Variants in MYH11 observed in about 807,000 individuals in gnomAD.
The protein encoded by MYH11 is myosin-11.
Under a neutral mutation model 246.6 loss-of-function variants are expected in MYH11, and 80 were observed. The observed-to-expected ratio is 0.32, with a 90% CI of 0.27 to 0.39. The LOEUF (loss-of-function observed/expected upper bound fraction) is 0.39, where lower values mean the gene tolerates loss of function less well. MYH11 is among the 10% of genes least tolerant of loss of function. The probability of loss-of-function intolerance (pLI) is 1.00; values close to 1 mark genes in which losing one functional copy is unlikely to be tolerated. For missense variants in MYH11, 2,158 were observed against 2,546.8 expected, an observed-to-expected ratio of 0.85 and a Z score of 3.29; for synonymous variants, 1,071 against 1,015.5, an observed-to-expected ratio of 1.05 and a Z score of -1.04.
At chr16:15,752,491 C>T (rs1447919521) in intron 15 of MYH11, among the ~76,000 whole-genome samples, 1 of 152,144 alleles carries the variant, frequency 6.6e-6, no homozygotes, top group Non-Finnish European at 1.5e-5. Flanking sequence ...AGCAGCATCA[C>T]CTGGGATGAA....
At chr16:15,707,183 C>G (rs920582758) in intron 40 of MYH11, among the ~76,000 whole-genome samples, 1 of 152,152 alleles carries the variant, frequency 6.6e-6, no homozygotes, top group Non-Finnish European at 1.5e-5. Flanking sequence ...GGACTACAGA[C>G]ATGCCACCAC....
chr16:15,724,032 C>T, intron 31 of MYH11, 129 bp downstream of exon 31: 3 of 1,496,834 alleles, frequency 2.0e-6, no homozygotes, highest in South Asian at 2.3e-5. Flanking sequence ...GATAAGACAG[C>T]CTCCCATGGC....
chr16:15,733,094 G>A, intron 26 of MYH11: 1 of 291,722 alleles, frequency 3.4e-6, no homozygotes, highest in Non-Finnish European at 6.6e-6. Context: ...GCAACCCAAA[G>A]AGGCAGGTGT....
chr16:15,800,385 C>G (rs115222524), intron 3 of MYH11, among the ~76,000 whole-genome samples: 1 of 145,394 alleles, frequency 6.9e-6, no homozygotes, highest in African/African-American at 2.6e-5. Context: ...GGTAGGTGGA[C>G]GAATAGATGG....
At position 15,720,982 on chromosome 16, in the gene MYH11, C is replaced by T. The variant is rs751716762; in HGVS notation, c.4648G>A (p.Glu1550Lys). ...QMEEMKTQLE[E>K]LEDELQATED... ...GTGGCTTGCAGCTCGTCCTCCAGCT[C>T]TTCCAGCTGCGTCTTCATCTCCTCC... Residue 1550 changes from glutamate to lysine, a missense_variant, in exon 33 of 41, where the codon GAG (glutamate) becomes AAG (lysine). By Grantham distance (56) the Glu-to-Lys change is moderately conservative. Transcript: ENST00000300036. 30 of 1,614,040 alleles carry T rather than the reference C, an allele frequency of 1.9e-5. No individual in the cohort carries two copies. The Admixed American group carries it at 5.0e-4, about 27-fold the overall frequency.
In MYH11 at chr16:15,745,130, T is replaced by C; in HGVS notation, c.2519A>G (p.Lys840Arg). The C allele has an allele frequency of 6.2e-7, 1 of 1,613,038 alleles. No individual in the cohort carries two copies. The highest frequency in any genetic ancestry group is 1.7e-5 in the Admixed American group (1 of 60,022). ...RNWQWWRLFT[K>R]VKPLLQVTRQ... ...AGGGGGCTGGGGCAGAGCACTCACT[T>C]TGGTGAAAAGCCTCCACCACTGCCA... Residue 840 changes from lysine (K) to arginine (R), a missense_variant and splice_region_variant, in exon 20 of 41, where the codon AAA (lysine) becomes AGA (arginine). Lys to Arg is a conservative substitution (Grantham distance 26). This residue lies in a region of MYH11 where 90 missense variants were observed against 144.2 expected (regional missense o/e 0.62). Coordinates refer to ENST00000300036, the MANE Select transcript of MYH11 (RefSeq NM_002474.3).
chr16:15,720,968 C>T lies in MYH11; in HGVS notation c.4662G>A (p.Glu1554=), dbSNP rs747434041. 2.2e-5 allele frequency: 35 copies of T among 1,613,976 alleles called. No homozygotes were observed. The highest frequency in any genetic ancestry group is 2.8e-5 in the Non-Finnish European group (33 of 1,180,034). The stretch of plus-strand genomic sequence containing the variant: ...GTTTGGCGTCCTCCGTGGCTTGCAG[C>T]TCGTCCTCCAGCTCTTCCAGCTGCG... The part of the protein sequence containing the change: ...MKTQLEELED[E]LQATEDAKLR... The change falls in exon 33 of 41, where the codon GAG becomes GAA. Residue 1554 remains glutamate, a synonymous_variant. Coordinates refer to ENST00000300036, the MANE Select transcript of MYH11 (RefSeq NM_002474.3).
chr16:15,803,822 A>G (rs970962430), intron 3 of MYH11, among the ~76,000 whole-genome samples: 1 of 152,090 alleles, frequency 6.6e-6, no homozygotes, highest in Non-Finnish European at 1.5e-5. Context: ...GCTCCAGGAG[A>G]AGGCCTGGGA....
At chr16:15,821,343 A>T (rs895490990) in intron 3 of MYH11, among the ~76,000 whole-genome samples, 1 of 152,204 alleles carries the variant, frequency 6.6e-6, no homozygotes, top group African/African-American at 2.4e-5. Context: ...TAGTTCAGTT[A>T]GTGTAATGAA....
In MYH11 at chr16:15,756,358, T is replaced by C. The variant is rs111936548; in HGVS notation, c.1732A>G (p.Ile578Val). The change falls in exon 14 of 41, where the codon ATC becomes GTC. Residue 578 changes from isoleucine to valine, a missense_variant. Physicochemically the swap from Ile to Val is conservative, Grantham distance 29. This residue lies in a region of MYH11 where 317 missense variants were observed against 507.7 expected (regional missense o/e 0.62). Coordinates refer to ENST00000300036, the MANE Select transcript of MYH11 (RefSeq NM_002474.3). ...GCTGGTACCTTCCCAGCATAATGGA[T>C]GATGGAGAACTCAGTCTTGTCCTTG... ...QLKDKTEFSIIHYAGKVDYNA... is the reference protein window; with the variant it reads ...QLKDKTEFSIVHYAGKVDYNA... The C allele has an allele frequency of 6.5e-4, 1,049 of 1,614,082 alleles. 2 individuals carry two copies. The highest frequency in any genetic ancestry group is 7.8e-4 in the Non-Finnish European group (919 of 1,180,026).
At chr16:15,717,878 G>A (rs543345620) in intron 37 of MYH11, 25 of 271,098 alleles carry the variant, frequency 9.2e-5, no homozygotes, top group Non-Finnish European at 1.4e-4. Flanking sequence ...TCCTGGAGTC[G>A]CCTGGAGAAT....
intron 9 of MYH11, among the ~76,000 whole-genome samples, chr16:15,770,974 T>C (rs2042086339): frequency 6.6e-6 from 1 of 151,694 alleles, no homozygotes; most frequent in Non-Finnish European, 1.5e-5. Context: ...TAGATCTCAC[T>C]GTACCTGAAG....
At position 15,785,008 on chromosome 16, in the gene MYH11, ATTTTTTT is replaced by A. The variant is rs398028825; in HGVS notation, c.633+1615_633+1621del. 6 of 97,948 alleles carry A rather than the reference ATTTTTTT, an allele frequency of 6.1e-5. 1 individual carries two copies. The highest frequency in any genetic ancestry group is 5.4e-4 in the South Asian group (2 of 3,728). The allele number at this position is 97,948 out of a possible 1,614,324, so 6.1% of individuals were successfully genotyped here. On this transcript the variant is annotated intron_variant, in intron 5 of 40. Transcript: ENST00000300036. ...ACACCAGGCCCAGCTAATTCTCTTG[ATTTTTTT>A]TTTTTTTTTTTTTTGGTACAGACAG...
chr16:15,852,422 T>G (rs774886056), intron 1 of MYH11, among the ~76,000 whole-genome samples: 1 of 143,186 alleles, frequency 7.0e-6, no homozygotes, highest in Non-Finnish European at 1.5e-5. Flanking sequence ...AACCTCTGCC[T>G]CTGAGGCTCA....
intron 3 of MYH11, among the ~76,000 whole-genome samples, chr16:15,805,474 G>T (rs1404936180): frequency 1.3e-5 from 2 of 152,076 alleles, no homozygotes; most frequent in Non-Finnish European, 2.9e-5. Context: ...AGTTTTTCTT[G>T]TTTTTCTTTT....
intron 1 of MYH11, among the ~76,000 whole-genome samples, chr16:15,843,514 C>A (rs1311209284): frequency 6.7e-6 from 1 of 149,628 alleles, no homozygotes; most frequent in Non-Finnish European, 1.5e-5. Flanking sequence ...CACGGCAAAA[C>A]CCTGTCTCTA....
intron 3 of MYH11, among the ~76,000 whole-genome samples, chr16:15,818,292 T>C (rs894174173): frequency 6.6e-6 from 1 of 152,316 alleles, no homozygotes; most frequent in South Asian, 2.1e-4. Context: ...CATTTATCAA[T>C]GGAGTCAACA....
rs572087715 is a variant in MYH11, at chr16:15,843,473, G to A, written c.-17-5204C>T. Among the ~76,000 whole-genome samples, 7 of 150,904 alleles carry A rather than the reference G, an allele frequency of 4.6e-5. No individual in the cohort carries two copies. The South Asian group carries it at 8.4e-4, about 18-fold the overall frequency. ...TGGGAGGCTGAGGCGGGCAGATCAC[G>A]AAGTCAAGAGATCGAGACCATCCTG... On this transcript the variant is annotated intron_variant, in intron 1 of 40. Transcript: ENST00000300036.
In MYH11 at chr16:15,811,648, T is replaced by C. The variant is rs542657442; in HGVS notation, c.502+11607A>G. 2.6e-5 allele frequency among the ~76,000 whole-genome samples: 4 copies of C among 151,780 alleles called. No individual in the cohort carries two copies. The East Asian group carries it at 7.8e-4, about 30-fold the overall frequency. On this transcript the variant is annotated intron_variant, in intron 3 of 40. Transcript: ENST00000300036. ...GGGGAGCAGCCTCAGGGGAGTTGGGTGAGCAGGAACCATCCCCAGGGGGCT... is the reference window on the plus strand; with the variant it reads ...GGGGAGCAGCCTCAGGGGAGTTGGGCGAGCAGGAACCATCCCCAGGGGGCT...
Sources: allele counts gnomAD v4.1 joint callset (sites outside exome capture counted in the v4.1 genomes callset), GRCh38; gene constraint gnomAD v4.1.1; regional missense constraint gnomAD v4.1.1; transcripts MANE v1.5; gene names NCBI Gene and HGNC (gene_info 2026-07-23, HGNC 2026-07-21).